The following NRXN1 variants were observed in gnomAD, a reference collection of about 807,000 sequenced individuals.
NRXN1 encodes neurexin-1.
NRXN1 carries 39 observed loss-of-function variants against 150.9 expected under a neutral mutation model. The observed-to-expected ratio is 0.26, with a 90% CI of 0.20 to 0.34. The LOEUF (loss-of-function observed/expected upper bound fraction) is 0.34. NRXN1 is among the 10% of genes least tolerant of loss of function. The pLI is 1.00. For synonymous variants in NRXN1, 924 were observed against 757.0 expected (o/e 1.22, Z -3.62); for missense variants, 1,815 against 1,949.9 (o/e 0.93, Z 1.30).
intron 21 of NRXN1, among the ~76,000 whole-genome samples, chr2:50,045,177 A>G (rs1281892781): frequency 6.6e-6 from 1 of 151,016 alleles, no homozygotes; most frequent in Non-Finnish European, 1.5e-5. Flanking sequence ...AACAACAACA[A>G]CAACAACAAA....
At chr2:50,460,659 C>G (rs940774208) in intron 17 of NRXN1, among the ~76,000 whole-genome samples, 7 of 152,044 alleles carry the variant, frequency 4.6e-5, no homozygotes, top group Admixed American at 1.3e-4. Flanking sequence ...TTACATTTCT[C>G]TGTCATACAT....
intron 21 of NRXN1, among the ~76,000 whole-genome samples, chr2:50,039,467 T>G (rs568867342): frequency 1.3e-5 from 2 of 151,530 alleles, no homozygotes; most frequent in South Asian, 4.1e-4. Context: ...CTTGGTCTCA[T>G]AAGTAACTAA....
chr2:50,992,969 A>G (rs879513505), intron 2 of NRXN1, among the ~76,000 whole-genome samples: 5 of 151,956 alleles, frequency 3.3e-5, no homozygotes, highest in Non-Finnish European at 5.9e-5. Flanking sequence ...CAGAATGACT[A>G]TATTTTTTAA....
intron 9 of NRXN1, among the ~76,000 whole-genome samples, chr2:50,550,353 G>A (rs976230762): frequency 5.9e-5 from 9 of 152,004 alleles, no homozygotes; most frequent in Admixed American, 2.0e-4. Context: ...GGGATTACAG[G>A]TGTGAACCAC....
chr2:50,219,028 C>A (rs1158238342), intron 18 of NRXN1, among the ~76,000 whole-genome samples: 2 of 151,926 alleles, frequency 1.3e-5, no homozygotes, highest in African/African-American at 4.8e-5. Flanking sequence ...ACACACAAAA[C>A]TCCAGTGGCT....
intron 5 of NRXN1, among the ~76,000 whole-genome samples, chr2:50,866,435 C>A (rs1157672807): frequency 6.6e-6 from 1 of 151,824 alleles, no homozygotes; most frequent in African/African-American, 2.4e-5. Context: ...GATAACTGGG[C>A]AAGTGAGTTA....
intron 17 of NRXN1, among the ~76,000 whole-genome samples, chr2:50,444,560 G>A (rs377466853): frequency 2.0e-5 from 3 of 152,010 alleles, no homozygotes; most frequent in Non-Finnish European, 4.4e-5. Flanking sequence ...TCTGCCTATC[G>A]GACCTTTTTA....
intron 5 of NRXN1, among the ~76,000 whole-genome samples, chr2:50,654,345 C>T (rs549370366): frequency 6.6e-6 from 1 of 151,956 alleles, no homozygotes; most frequent in Non-Finnish European, 1.5e-5. Context: ...CATGTCCCTA[C>T]AAAGGACATG....
At chr2:50,072,612 AAT>A (rs559267569) in intron 19 of NRXN1, among the ~76,000 whole-genome samples, 5,352 of 145,302 alleles carry the variant, frequency 0.037, 341 homozygotes, top group African/African-American at 0.14. Context: ...CAAAAAAAAA[AAT>A]AAAACAGCAA....
intron 17 of NRXN1, among the ~76,000 whole-genome samples, chr2:50,268,258 G>C (rs942534283): frequency 6.6e-6 from 1 of 152,028 alleles, no homozygotes; most frequent in African/African-American, 2.4e-5. Context: ...AAGAAGAGTT[G>C]GGCTTGAATA....
At chr2:50,957,467 A>G (rs1327104762) in intron 2 of NRXN1, among the ~76,000 whole-genome samples, 1 of 152,190 alleles carries the variant, frequency 6.6e-6, no homozygotes, top group African/African-American at 2.4e-5. Context: ...GGATGCAGCT[A>G]AATATCCTGC....
At chr2:50,632,743 C>T (rs920365195) in intron 5 of NRXN1, 6 of 151,984 alleles carry the variant, frequency 3.9e-5, no homozygotes, top group African/African-American at 1.4e-4. Flanking sequence ...TATCATGGCA[C>T]TGTTCTTAAG....
intron 15 of NRXN1, among the ~76,000 whole-genome samples, chr2:50,473,913 T>C (rs1408345866): frequency 2.0e-5 from 3 of 151,960 alleles, no homozygotes; most frequent in Non-Finnish European, 4.4e-5. Flanking sequence ...TAAATTGAAA[T>C]AGAGGAATCA....
chr2:50,043,671 A>G (rs1300121934), intron 21 of NRXN1, among the ~76,000 whole-genome samples: 1 of 152,180 alleles, frequency 6.6e-6, no homozygotes, highest in Admixed American at 6.6e-5. Flanking sequence ...TGTAGAAAAT[A>G]TAAAAATCAG....
At chr2:50,087,490 T>C (rs556261339) in intron 19 of NRXN1, among the ~76,000 whole-genome samples, 1 of 152,244 alleles carries the variant, frequency 6.6e-6, no homozygotes, top group African/African-American at 2.4e-5. Context: ...TGAATTAATG[T>C]TATGAGAAAG....
At chr2:50,465,613 T>A in intron 16 of NRXN1, 52 bp from the exon 17 acceptor site, 1 of 1,538,082 alleles carries the variant, frequency 6.5e-7, no homozygotes, top group Non-Finnish European at 8.8e-7. Flanking sequence ...TCCAAAAGCA[T>A]TTTATACATG....
chr2:50,317,483 G>C (rs2075705805), intron 17 of NRXN1, among the ~76,000 whole-genome samples: 1 of 151,432 alleles, frequency 6.6e-6, no homozygotes, highest in Non-Finnish European at 1.5e-5. Flanking sequence ...AAATATAAGA[G>C]ACAACAGCTG....
intron 2 of NRXN1, among the ~76,000 whole-genome samples, chr2:51,023,937 TA>T (rs1219791522): frequency 6.6e-6 from 1 of 152,134 alleles, no homozygotes; most frequent in African/African-American, 2.4e-5. Context: ...TATGGCCATT[TA>T]AATAGAGAAC....
chr2:50,189,334 G>C (rs1377791459), intron 18 of NRXN1, among the ~76,000 whole-genome samples: 1 of 152,064 alleles, frequency 6.6e-6, no homozygotes, highest in African/African-American at 2.4e-5. Context: ...CATGGACACA[G>C]GGAGGGGAAT....
Sources: gnomAD v4.1 joint callset for allele counts (sites outside exome capture counted in the v4.1 genomes callset) on GRCh38, gnomAD v4.1.1 for gene constraint, MANE v1.5 for transcripts, NCBI Gene and HGNC (gene_info 2026-07-23, HGNC 2026-07-21) for gene names.